The following NCKAP5 variants were observed in gnomAD, a reference collection of about 807,000 sequenced individuals.
NCKAP5 encodes the protein nck-associated protein 5.
Under a neutral mutation model 167.0 loss-of-function variants are expected in NCKAP5, and 92 were observed. The observed-to-expected ratio is 0.55, with a 90% CI of 0.47 to 0.66. The LOEUF (loss-of-function observed/expected upper bound fraction) is 0.66, where lower values mean the gene tolerates loss of function less well. Among genes scored for constraint, NCKAP5 ranks in the 30% least tolerant of loss-of-function variants. The pLI is 0.00. For missense variants in NCKAP5, 2,378 were observed against 2,315.0 expected (o/e 1.03, Z -0.56); for synonymous variants, 891 against 877.4 (o/e 1.02, Z -0.27).
At chr2:133,296,772 T>C (rs1280198986) in intron 4 of NCKAP5, among the ~76,000 whole-genome samples, 3 of 152,036 alleles carry the variant, frequency 2.0e-5, no homozygotes, top group Non-Finnish European at 2.9e-5. Context: ...CAGACAAGAG[T>C]CCAAGTCCCC....
intron 8 of NCKAP5, among the ~76,000 whole-genome samples, chr2:132,896,168 A>C (rs916681175): frequency 6.6e-6 from 1 of 152,216 alleles, no homozygotes; most frequent in African/African-American, 2.4e-5. Context: ...ACAAAAAAAC[A>C]AAAACAAAAC....
chr2:133,581,531 C>T, the NCKAP5 span, among the ~76,000 whole-genome samples: 14 of 152,168 alleles, frequency 9.2e-5, no homozygotes, highest in Non-Finnish European at 2.1e-4. Context: ...GCTGCAGTGG[C>T]AGGGCTGGGC....
At chr2:133,537,080 G>A (rs1384392501) in intron 2 of NCKAP5, among the ~76,000 whole-genome samples, 2 of 151,780 alleles carry the variant, frequency 1.3e-5, no homozygotes, top group African/African-American at 2.4e-5. Context: ...GAACTGTTTT[G>A]GCTCCCTTGT....
chr2:132,931,379 T>G (rs1394430593), intron 8 of NCKAP5: 1 of 151,504 alleles, frequency 6.6e-6, no homozygotes, highest in South Asian at 2.1e-4. Flanking sequence ...GTCACTTCCC[T>G]TTTTTTTTCC....
At chr2:132,919,520 T>A (rs1359282333) in intron 8 of NCKAP5, among the ~76,000 whole-genome samples, 1 of 152,046 alleles carries the variant, frequency 6.6e-6, no homozygotes, top group African/African-American at 2.4e-5. Flanking sequence ...TAAAAGAAAT[T>A]AATGTTAACA....
intron 6 of NCKAP5, among the ~76,000 whole-genome samples, chr2:133,084,074 G>A (rs149158518): frequency 1.7e-3 from 254 of 152,252 alleles, no homozygotes; most frequent in African/African-American, 5.4e-3. Flanking sequence ...GAAGGCATCC[G>A]TGGCAGAGGC....
At chr2:133,603,642 G>A in the NCKAP5 span, among the ~76,000 whole-genome samples, 7 of 151,266 alleles carry the variant, frequency 4.6e-5, no homozygotes, top group Non-Finnish European at 8.8e-5. Flanking sequence ...GGGTTCAAGC[G>A]ATTCTCCTGC....
intron 2 of NCKAP5, among the ~76,000 whole-genome samples, chr2:133,550,950 A>T (rs1687240921): frequency 6.6e-6 from 1 of 152,064 alleles, no homozygotes; most frequent in African/African-American, 2.4e-5. Flanking sequence ...CTTATACACC[A>T]ACAACAGACA....
At chr2:132,972,378 C>T (rs910618511) in intron 7 of NCKAP5, among the ~76,000 whole-genome samples, 10 of 152,140 alleles carry the variant, frequency 6.6e-5, no homozygotes, top group South Asian at 2.1e-4. Context: ...GAGACAGGTT[C>T]TATGTTTGCA....
intron 3 of NCKAP5, among the ~76,000 whole-genome samples, chr2:133,397,949 G>C (rs1483422846): frequency 2.6e-5 from 4 of 152,116 alleles, no homozygotes; most frequent in African/African-American, 9.7e-5. Context: ...GATTGGTTTG[G>C]GGAGAATCTT....
intron 3 of NCKAP5, among the ~76,000 whole-genome samples, chr2:133,425,588 A>T (rs1689741201): frequency 6.6e-6 from 1 of 152,230 alleles, no homozygotes; most frequent in South Asian, 2.1e-4. Context: ...TTACTAGATG[A>T]TAAAGTGAAA....
intron 6 of NCKAP5, among the ~76,000 whole-genome samples, chr2:133,085,137 C>T (rs1427349350): frequency 6.6e-6 from 1 of 151,988 alleles, no homozygotes; most frequent in Non-Finnish European, 1.5e-5. Flanking sequence ...GTTTGCTTAC[C>T]CTTGGATTAG....
chr2:132,785,751 G>C, intron 13 of NCKAP5, 33 bp from the exon 14 acceptor site: 1 of 1,442,572 alleles, frequency 6.9e-7, no homozygotes, highest in South Asian at 1.7e-5. Flanking sequence ...AGAAATGATT[G>C]AACCATGTAG....
At chr2:133,001,191 C>T (rs188460434) in intron 6 of NCKAP5, among the ~76,000 whole-genome samples, 9 of 151,568 alleles carry the variant, frequency 5.9e-5, no homozygotes, top group African/African-American at 2.2e-4. Flanking sequence ...TATATGTACA[C>T]CTTGGGAATA....
intron 6 of NCKAP5, among the ~76,000 whole-genome samples, chr2:133,016,577 A>G (rs2078344557): frequency 6.6e-6 from 1 of 152,256 alleles, no homozygotes; most frequent in Admixed American, 6.5e-5. Flanking sequence ...TGTTAATGCT[A>G]TAGAAGAAAG....
intron 3 of NCKAP5, among the ~76,000 whole-genome samples, chr2:133,480,865 G>T (rs1372745934): frequency 6.6e-6 from 1 of 152,192 alleles, no homozygotes; most frequent in South Asian, 2.1e-4. Flanking sequence ...AAACTGTCCT[G>T]CCATCCAGCA....
chr2:132,712,618 C>T (rs966121510), intron 19 of NCKAP5, among the ~76,000 whole-genome samples: 2 of 152,044 alleles, frequency 1.3e-5, no homozygotes, highest in Non-Finnish European at 2.9e-5. Context: ...TGCCACTGCA[C>T]TCCAGCCTGG....
the NCKAP5 span, among the ~76,000 whole-genome samples, chr2:133,630,667 A>G: frequency 3.9e-5 from 6 of 152,168 alleles, no homozygotes; most frequent in Non-Finnish European, 8.8e-5. Context: ...GCCACCAGGA[A>G]TATGCCTGGG....
chr2:133,659,887 A>G, the NCKAP5 span, among the ~76,000 whole-genome samples: 69 of 152,268 alleles, frequency 4.5e-4, no homozygotes, highest in Non-Finnish European at 9.0e-4. Context: ...TTTAAAATGC[A>G]TATTATATAT....
Sources: allele counts gnomAD v4.1 joint callset (sites outside exome capture counted in the v4.1 genomes callset), GRCh38; gene constraint gnomAD v4.1.1; transcripts MANE v1.5; gene names NCBI Gene and HGNC (gene_info 2026-07-23, HGNC 2026-07-21).